The following CIB1 variants were observed in gnomAD, a reference collection of about 807,000 sequenced individuals.
CIB1 encodes the protein calcium and integrin-binding protein 1.
In CIB1, 19 loss-of-function variants were observed where a neutral mutation model predicts 25.0. The observed-to-expected ratio is 0.76, with a 90% CI of 0.53 to 1.12. CIB1 has a LOEUF of 1.12. CIB1 is among the 50% of genes most tolerant of loss of function. The pLI is 0.00. For missense variants in CIB1, 236 were observed against 242.6 expected (o/e 0.97, Z 0.18); for synonymous variants, 104 against 98.5 (o/e 1.06, Z -0.33).
chr15:90,230,331 C>A lies in CIB1; in HGVS notation c.*153G>T. On this transcript the variant is annotated 3_prime_UTR_variant, in exon 7 of 7. Transcript: ENST00000328649. The stretch of plus-strand genomic sequence containing the variant: ...CAGCAGTGAGGAGAGGCCCTGACAA[C>A]GAGGGCCGCCCCTGCCCGGGGTGAG... The A allele has an allele frequency of 1.3e-6, 1 of 777,764 alleles. No homozygotes were observed. Among genetic ancestry groups the A allele is most frequent in the South Asian group, 1.7e-5 (1 of 59,462 alleles). The allele number at this position is 777,764 out of a possible 1,614,324, so 48.2% of individuals were successfully genotyped here.
chr15:90,264,267 C>G, the CIB1 span, among the ~76,000 whole-genome samples: 1 of 152,278 alleles, frequency 6.6e-6, no homozygotes, highest in African/African-American at 2.4e-5. Flanking sequence ...TCTCACTTCA[C>G]TGCAAACTCC....
chr15:90,246,514 A>C, the CIB1 span, among the ~76,000 whole-genome samples: 3 of 151,954 alleles, frequency 2.0e-5, no homozygotes, highest in Non-Finnish European at 4.4e-5. Context: ...GGCCAGGTGT[A>C]GTGGCTCACG....
the CIB1 span, among the ~76,000 whole-genome samples, chr15:90,261,236 G>C: frequency 6.6e-6 from 1 of 151,500 alleles, no homozygotes. Flanking sequence ...ACGCCACCAA[G>C]CCCAGATAAT....
At chr15:90,265,456 A>C in the CIB1 span, 1 of 1,341,170 alleles carries the variant, frequency 7.5e-7, no homozygotes, top group Non-Finnish European at 9.5e-7. Flanking sequence ...TCCGTACTTT[A>C]ATTAAAGTTT....
chr15:90,258,898 C>A, the CIB1 span: 1 of 1,614,016 alleles, frequency 6.2e-7, no homozygotes, highest in South Asian at 1.1e-5. Flanking sequence ...AACGGCTTTT[C>A]CAGTGCTACC....
At chr15:90,252,019 C>A in the CIB1 span, among the ~76,000 whole-genome samples, 1 of 149,566 alleles carries the variant, frequency 6.7e-6, no homozygotes, top group Admixed American at 6.8e-5. Flanking sequence ...GACTACAGGC[C>A]TGCACCACTA....
chr15:90,230,949 G>C lies in CIB1; in HGVS notation c.539C>G (p.Ser180Cys), dbSNP rs758821375. 1 of 1,614,046 alleles carries C rather than the reference G, an allele frequency of 6.2e-7. No homozygotes were observed. Among genetic ancestry groups the C allele is most frequent in the South Asian group, 1.1e-5 (1 of 91,072 alleles). Residue 180 changes from serine (S) to cysteine (C), a missense_variant, in exon 6 of 7, where the codon TCT becomes TGT. Physicochemically the swap from Ser to Cys is moderately radical, Grantham distance 112. Transcript: ENST00000328649. ...LSEFQHVISRSPDFASSFKIV... is the reference protein window; with the variant it reads ...LSEFQHVISRCPDFASSFKIV... ...ACTGTCATACCTGGCAAAGTCTGGA[G>C]AACGGGAGATGACGTGCTGGAACTC...
the CIB1 span, chr15:90,240,817 A>T: frequency 4.3e-6 from 4 of 925,590 alleles, no homozygotes; most frequent in African/African-American, 1.9e-5. Context: ...CCATCTCAAA[A>T]AAAAAAATAA....
At chr15:90,251,213 A>G in the CIB1 span, among the ~76,000 whole-genome samples, 75 of 143,140 alleles carry the variant, frequency 5.2e-4, no homozygotes, top group South Asian at 1.1e-3. Context: ...TCCCGGGTTC[A>G]GGCCATTCTC....
the CIB1 span, among the ~76,000 whole-genome samples, chr15:90,260,619 G>A: frequency 6.6e-6 from 1 of 152,148 alleles, no homozygotes; most frequent in Non-Finnish European, 1.5e-5. Context: ...TTGGGAGGCT[G>A]AGGTGGGCGG....
the CIB1 span, chr15:90,256,335 C>T: frequency 6.2e-7 from 1 of 1,612,906 alleles, no homozygotes; most frequent in South Asian, 1.1e-5. Flanking sequence ...TTCCCTAGTC[C>T]CCAGCACTGG....
At chr15:90,236,248 G>T (rs1962634751), upstream of CIB1, 1 of 152,164 alleles carries the variant, frequency 6.6e-6, no homozygotes, top group Non-Finnish European at 1.5e-5. Flanking sequence ...ATGTTGGTCA[G>T]GCTTGTCTCG....
upstream of CIB1, among the ~76,000 whole-genome samples, chr15:90,237,945 C>T (rs183210615): frequency 2.5e-3 from 381 of 152,248 alleles, 6 homozygotes; most frequent in Middle Eastern, 0.02. Flanking sequence ...TGCTTAGCTT[C>T]ACTTTTTTGT....
At chr15:90,235,863 C>T (rs1158611560), upstream of CIB1, among the ~76,000 whole-genome samples, 4 of 152,014 alleles carry the variant, frequency 2.6e-5, no homozygotes, top group African/African-American at 4.8e-5. Flanking sequence ...CCACCGTGCC[C>T]GGCCGATCAT....
At chr15:90,257,811 C>A in the CIB1 span, 3 of 1,329,254 alleles carry the variant, frequency 2.3e-6, no homozygotes, top group Non-Finnish European at 3.2e-6. Flanking sequence ...TCTTGGGAGG[C>A]TAATTGCCCA....
upstream of CIB1, among the ~76,000 whole-genome samples, chr15:90,235,461 C>T (rs988762791): frequency 2.6e-5 from 4 of 151,876 alleles, no homozygotes; most frequent in African/African-American, 7.3e-5. Context: ...TTGCAGTGAG[C>T]GGAGATTGTG....
chr15:90,235,013 T>C (rs1052955947), upstream of CIB1, among the ~76,000 whole-genome samples: 1 of 152,206 alleles, frequency 6.6e-6, no homozygotes, highest in African/African-American at 2.4e-5. Flanking sequence ...AATCTGAGTA[T>C]GTTAGTCTCA....
At chr15:90,239,465 A>T in the CIB1 span, among the ~76,000 whole-genome samples, 4 of 152,172 alleles carry the variant, frequency 2.6e-5, no homozygotes, top group African/African-American at 9.7e-5. Context: ...CAATCATGAC[A>T]GAAGGGGAAG....
the CIB1 span, among the ~76,000 whole-genome samples, chr15:90,256,606 TTTCCTTCC>T: frequency 0.017 from 511 of 30,510 alleles, 11 homozygotes; most frequent in Middle Eastern, 0.047. Flanking sequence ...TCTTTCTTTC[TTTCCTTCC>T]TTCCTTCCTT....
Sources: allele counts gnomAD v4.1 joint callset (sites outside exome capture counted in the v4.1 genomes callset), GRCh38; gene constraint gnomAD v4.1.1; transcripts MANE v1.5; gene names NCBI Gene and HGNC (gene_info 2026-07-23, HGNC 2026-07-21).